COL23A1: variants seen among roughly 807,000 people sequenced by gnomAD.
COL23A1 encodes the protein collagen alpha-1(XXIII) chain.
Under a neutral mutation model 99.3 loss-of-function variants are expected in COL23A1, and 97 were observed. The observed-to-expected ratio is 0.98, with a 90% CI of 0.83 to 1.16. The LOEUF (loss-of-function observed/expected upper bound fraction) is 1.16. COL23A1 is among the 50% of genes most tolerant of loss of function. COL23A1 has a pLI of 0.00. For synonymous variants in COL23A1, 320 were observed against 308.2 expected (o/e 1.04, Z -0.40); for missense variants, 762 against 757.4 (o/e 1.01, Z -0.07).
Position 178,498,255 on chromosome 5 carries a change from T to TAAAA in COL23A1, c.361+62426_361+62427insTTTT, listed in dbSNP as rs1554184592. Among the ~76,000 whole-genome samples, 202 of 70,940 alleles carry TAAAA rather than the reference T, an allele frequency of 2.8e-3. 8 individuals carry two copies. The highest frequency in any genetic ancestry group is 8.2e-3 in the African/African-American group (138 of 16,894). 46.5% of individuals were successfully genotyped at this position (70,940 alleles called of 152,430 possible). On this transcript the variant is annotated intron_variant, in intron 2 of 28. Coordinates refer to ENST00000390654, the MANE Select transcript of COL23A1 (RefSeq NM_173465.4). Reference sequence around the variant, plus strand: ...ATATATATATATATATATATATATATATAAAAGAACTTAAAAATAAAAAAA... The same window carrying TAAAA: ...ATATATATATATATATATATATATATAAAAATAAAAGAACTTAAAAATAAAAAAA...
intron 2 of COL23A1, among the ~76,000 whole-genome samples, chr5:178,491,154 G>A: frequency 6.6e-6 from 1 of 151,452 alleles, no homozygotes; most frequent in Non-Finnish European, 1.5e-5. Flanking sequence ...AGGAGGAGAA[G>A]AGAGAGAAAG....
At chr5:178,343,596 C>T (rs1001333066) in intron 2 of COL23A1, among the ~76,000 whole-genome samples, 1 of 151,570 alleles carries the variant, frequency 6.6e-6, no homozygotes, top group Admixed American at 6.6e-5. Flanking sequence ...ATGTGGGGTC[C>T]GTGCATGGGA....
chr5:178,325,217 T>TC (rs1759578771), intron 2 of COL23A1, among the ~76,000 whole-genome samples: 1 of 152,188 alleles, frequency 6.6e-6, no homozygotes, highest in Non-Finnish European at 1.5e-5. Context: ...CTCTCTTGCC[T>TC]CCTTCCTCTC....
At chr5:178,246,853 TG>T (rs1246029991) in intron 22 of COL23A1, among the ~76,000 whole-genome samples, 3 of 152,184 alleles carry the variant, frequency 2.0e-5, no homozygotes, top group Non-Finnish European at 4.4e-5. Context: ...TGAACTGTGG[TG>T]GCCTTAAGAG....
chr5:178,420,095 T>A (rs1464395487), intron 2 of COL23A1, among the ~76,000 whole-genome samples: 1 of 152,176 alleles, frequency 6.6e-6, no homozygotes, highest in Non-Finnish European at 1.5e-5. Flanking sequence ...CTAACACTTG[T>A]TTTCAGTCTC....
intron 2 of COL23A1, among the ~76,000 whole-genome samples, chr5:178,351,525 C>T (rs1761326655): frequency 1.3e-5 from 2 of 152,162 alleles, no homozygotes; most frequent in East Asian, 1.9e-4. Flanking sequence ...CCCCCAGGGG[C>T]CAGTGAGGCC....
At chr5:178,400,502 T>A (rs1387599374) in intron 2 of COL23A1, among the ~76,000 whole-genome samples, 1 of 152,148 alleles carries the variant, frequency 6.6e-6, no homozygotes, top group Middle Eastern at 3.4e-3. Flanking sequence ...TAGGAGGATC[T>A]GTTCTCTGTT....
chr5:178,266,669 C>A (rs1404416882), intron 8 of COL23A1, among the ~76,000 whole-genome samples: 1 of 152,200 alleles, frequency 6.6e-6, no homozygotes, highest in Non-Finnish European at 1.5e-5. Context: ...GTGGCTGGCA[C>A]AGAGCAGCTG....
chr5:178,562,733 T>TGGGGGGGGGGGGGG (rs879632255), intron 1 of COL23A1: 12 of 97,672 alleles, frequency 1.2e-4, no homozygotes, highest in African/African-American at 6.1e-4. Flanking sequence ...CGCTGGCTGG[T>TGGGGGGGGGGGGGG]GGTGGGGGGG....
At position 178,260,699 on chromosome 5, in the gene COL23A1, CAGA is replaced by C. The variant is rs1765578400; in HGVS notation, c.703-955_703-953del. On this transcript the variant is annotated intron_variant, in intron 11 of 28. Transcript: ENST00000390654. ...ATCCCAGGTACTTGAGAGGCTGAAG[CAGA>C]AGAATCACTTGAAACCAGGAGGCAG... Among the ~76,000 whole-genome samples the C allele has an allele frequency of 2.0e-5, 3 of 152,254 alleles. No individual in the cohort carries two copies. In the South Asian group the frequency reaches 6.2e-4, roughly 32 times the overall value.
intron 2 of COL23A1, among the ~76,000 whole-genome samples, chr5:178,556,591 C>G (rs1290131545): frequency 2.7e-5 from 4 of 148,088 alleles, no homozygotes; most frequent in Non-Finnish European, 5.9e-5. Flanking sequence ...CCACTGCACT[C>G]CAGCCTGGGC....
chr5:178,240,529 T>C (rs1323257837), intron 27 of COL23A1, among the ~76,000 whole-genome samples: 1 of 152,144 alleles, frequency 6.6e-6, no homozygotes, highest in Non-Finnish European at 1.5e-5. Flanking sequence ...CCTCCGCACG[T>C]GGGATTCTCC....
At position 178,476,196 on chromosome 5, in the gene COL23A1, C is replaced by T. The variant is rs531247182; in HGVS notation, c.361+84486G>A. Among the ~76,000 whole-genome samples the T allele has an allele frequency of 2.0e-5, 3 of 152,222 alleles. No individual in the cohort carries two copies. In the South Asian group the frequency reaches 6.2e-4, roughly 32 times the overall value. ...TTGATGCTACTCCACAAATAATAGGCGTCATAATAGGAAATGGCGCATACA... is the reference window on the plus strand; with the variant it reads ...TTGATGCTACTCCACAAATAATAGGTGTCATAATAGGAAATGGCGCATACA... On this transcript the variant is annotated intron_variant, in intron 2 of 28. Transcript: ENST00000390654.
At chr5:178,524,011 G>A (rs1383776775) in intron 2 of COL23A1, among the ~76,000 whole-genome samples, 2 of 152,184 alleles carry the variant, frequency 1.3e-5, no homozygotes, top group Non-Finnish European at 1.5e-5. Flanking sequence ...AGGAATGAGC[G>A]TCTGCGGGGA....
At chr5:178,403,554 C>T (rs1038415051) in intron 2 of COL23A1, among the ~76,000 whole-genome samples, 9 of 152,254 alleles carry the variant, frequency 5.9e-5, no homozygotes, top group African/African-American at 2.2e-4. Flanking sequence ...TCCTGAGCCC[C>T]AGCCTCCACC....
intron 2 of COL23A1, among the ~76,000 whole-genome samples, chr5:178,400,345 C>T (rs1293033117): frequency 5.1e-5 from 6 of 118,274 alleles, no homozygotes; most frequent in African/African-American, 2.0e-4. Context: ...CCAGCCTGGG[C>T]GACAGAGCGA....
intron 2 of COL23A1, among the ~76,000 whole-genome samples, chr5:178,315,198 T>A (rs144171799): frequency 6.6e-6 from 1 of 152,138 alleles, no homozygotes. Flanking sequence ...TCCGGACCCA[T>A]GACGCATCCT....
chr5:178,325,237 C>T (rs1032739635), intron 2 of COL23A1, among the ~76,000 whole-genome samples: 1 of 152,212 alleles, frequency 6.6e-6, no homozygotes, highest in Admixed American at 6.5e-5. Flanking sequence ...CATTCCCTAC[C>T]CTTTAGTCAG....
chr5:178,267,939 A>G (rs1311279196), intron 7 of COL23A1, among the ~76,000 whole-genome samples: 1 of 152,102 alleles, frequency 6.6e-6, no homozygotes, highest in East Asian at 1.9e-4. Context: ...TGAGGCCCAC[A>G]CAGCCCGGCA....
Sources: allele counts gnomAD v4.1 joint callset (sites outside exome capture counted in the v4.1 genomes callset), GRCh38; gene constraint gnomAD v4.1.1; transcripts MANE v1.5; gene names NCBI Gene and HGNC (gene_info 2026-07-23, HGNC 2026-07-21).